OTOF: variants seen among roughly 807,000 people sequenced by gnomAD.
OTOF encodes the protein fer-1-like family member 2.
In OTOF, 218 loss-of-function variants were observed where a neutral mutation model predicts 236.8. The ratio of observed to expected loss-of-function variants is 0.92; its 90% CI spans 0.82 to 1.03. The LOEUF (loss-of-function observed/expected upper bound fraction) is 1.03. Ranked by LOEUF, OTOF falls within the 50% of genes least tolerant of loss-of-function variation. The probability of loss-of-function intolerance (pLI) is 0.00; values close to 1 mark genes in which losing one functional copy is unlikely to be tolerated. For synonymous variants in OTOF, 1,041 were observed against 1,072.5 expected (o/e 0.97, Z 0.57); for missense variants, 2,590 against 2,694.4 (o/e 0.96, Z 0.86).
intron 2 of OTOF, among the ~76,000 whole-genome samples, chr2:26,532,446 G>A (rs966869170): frequency 6.6e-6 from 1 of 152,200 alleles, no homozygotes; most frequent in Non-Finnish European, 1.5e-5. Flanking sequence ...TCACGAGCCA[G>A]CAAGCCCCAT....
intron 6 of OTOF, 73 bp downstream of exon 6, chr2:26,503,699 G>C: frequency 7.3e-7 from 1 of 1,363,082 alleles, no homozygotes; most frequent in Non-Finnish European, 1.0e-6. Context: ...TTGGCAGCCG[G>C]GCAGGGGCTG....
At position 26,460,321 on chromosome 2, in the gene OTOF, C is replaced by T. The variant is rs753969309; in HGVS notation, c.5814-116G>A. 70 of 872,494 alleles carry T rather than the reference C, an allele frequency of 8.0e-5. No homozygotes were observed. The highest frequency in any genetic ancestry group is 1.2e-4 in the Non-Finnish European group (63 of 541,818). 54.0% of individuals were successfully genotyped at this position (872,494 alleles called of 1,614,324 possible). A position where few individuals can be genotyped will look rare whatever the true frequency, so the allele number is the denominator to read the frequency against. ...CCTGGGCTGTGTGTGCAGTTCTAGG[C>T]ACCCCTCTGGCCATCAAGGCTGGCC... On this transcript the variant is annotated intron_variant, in intron 45 of 46. Coordinates refer to ENST00000272371, the MANE Select transcript of OTOF (RefSeq NM_194248.3). This position sits in a 1 kb window ranked among gnomAD's most constrained non-coding sequence, Gnocchi z 5.3.
intron 3 of OTOF, among the ~76,000 whole-genome samples, chr2:26,520,360 C>T (rs1203836340): frequency 6.6e-6 from 1 of 152,146 alleles, no homozygotes; most frequent in Non-Finnish European, 1.5e-5. Flanking sequence ...TGAATTCTGA[C>T]TCAGACATGC....
In OTOF at chr2:26,489,258, A is replaced by G. The variant is rs1164256959; in HGVS notation, c.998T>C (p.Leu333Pro). 1.2e-6 allele frequency: 2 copies of G among 1,613,178 alleles called. No individual in the cohort carries two copies. The highest frequency in any genetic ancestry group is 2.2e-5 in the South Asian group (2 of 90,970). ...CACGTCCATTTTGAAGGAGCCCACC[A>G]GGGTGCCACTGCGCAGCAGGTTCTT... Reference protein sequence around the residue: ...HSKNLLRSGTLVGSFKMDVGT... With the variant: ...HSKNLLRSGTPVGSFKMDVGT... Residue 333 changes from leucine to proline, a missense_variant, in exon 11 of 47, where the codon CTG (leucine) becomes CCG (proline). By Grantham distance (98) the Leu-to-Pro change is moderately conservative. Coordinates refer to ENST00000272371, the MANE Select transcript of OTOF (RefSeq NM_194248.3).
intron 46 of OTOF, among the ~76,000 whole-genome samples, chr2:26,458,996 C>T (rs995948970): frequency 3.3e-5 from 5 of 152,204 alleles, no homozygotes; most frequent in African/African-American, 9.6e-5. Context: ...GGGTTACAAG[C>T]AGTACCTACC....
chr2:26,522,649 A>G (rs1025592652), intron 3 of OTOF, among the ~76,000 whole-genome samples: 3 of 152,222 alleles, frequency 2.0e-5, no homozygotes, highest in Admixed American at 2.0e-4. Context: ...CTCCTTAGAC[A>G]GCTGAGTCAT....
chr2:26,484,383 G>T, intron 12 of OTOF, 91 bp downstream of exon 12: 1 of 1,349,276 alleles, frequency 7.4e-7, no homozygotes, highest in Middle Eastern at 2.2e-4. Context: ...GGAGACGGGT[G>T]GCAGGTGCTC....
chr2:26,502,148 C>T (rs1666128361), intron 7 of OTOF, 152 bp downstream of exon 7: 2 of 827,686 alleles, frequency 2.4e-6, no homozygotes, highest in African/African-American at 1.7e-5. Context: ...GTGAGAAAAA[C>T]ACCCAAGGAA....
At position 26,465,015 on chromosome 2, in the gene OTOF, A is replaced by G. The variant is rs772588073; in HGVS notation, c.4814T>C (p.Ile1605Thr). The G allele has an allele frequency of 3.4e-6, 5 of 1,482,730 alleles. No homozygotes were observed. The highest frequency in any genetic ancestry group is 4.5e-6 in the Non-Finnish European group (5 of 1,109,490). 91.8% of individuals were successfully genotyped at this position (1,482,730 alleles called of 1,614,324 possible). A position where few individuals can be genotyped will look rare whatever the true frequency, so the allele number is the denominator to read the frequency against. ...AQTYSTHGYNIWRDPMKPSQI... is the reference protein window; with the variant it reads ...AQTYSTHGYNTWRDPMKPSQI... ...GCTGGGCTTCATGGGGTCCCGCCAGATATTGTAGCCATGTCTGTGGGAGGG... is the reference window on the plus strand; with the variant it reads ...GCTGGGCTTCATGGGGTCCCGCCAGGTATTGTAGCCATGTCTGTGGGAGGG... Residue 1605 changes from isoleucine (I) to threonine (T), a missense_variant, in exon 39 of 47, where the codon ATC becomes ACC. Physicochemically the swap from Ile to Thr is moderately conservative, Grantham distance 89 (BLOSUM62 -1). Transcript: ENST00000272371.
intron 8 of OTOF, 52 bp from the exon 9 acceptor site, chr2:26,495,125 C>T: frequency 6.2e-7 from 1 of 1,609,808 alleles, no homozygotes; most frequent in Non-Finnish European, 8.5e-7. Context: ...AGCCTAGGAG[C>T]CTGGTCCCGC....
chr2:26,558,030 C>T lies in OTOF; in HGVS notation c.79+463G>A, dbSNP rs115949393. 5.3e-3 allele frequency among the ~76,000 whole-genome samples: 804 copies of T among 152,134 alleles called. 6 individuals are homozygous for T. Among genetic ancestry groups the T allele is most frequent in the African/African-American group, 0.018 (744 of 41,512 alleles). On this transcript the variant is annotated intron_variant, in intron 1 of 46. Transcript: ENST00000272371. ...TCTAAAAGAAGCCAACAGTGTCCCC[C>T]ATCACTCTGGGGCCCAGGGAGCTAC...
At chr2:26,483,411 T>A (rs778928085) in intron 13 of OTOF, 51 bp downstream of exon 13, 1 of 1,558,902 alleles carries the variant, frequency 6.4e-7, no homozygotes, top group African/African-American at 1.4e-5. Flanking sequence ...CAGCCTGCCC[T>A]TGTGATACCT....
intron 3 of OTOF, among the ~76,000 whole-genome samples, chr2:26,524,047 G>C (rs1666742982): frequency 6.6e-6 from 1 of 152,244 alleles, no homozygotes; most frequent in African/African-American, 2.4e-5. Context: ...CAGTGCCCTG[G>C]GCATTCTCTA....
rs140572176 is a variant in OTOF at position 26,474,614 on chromosome 2, C to T, written c.3187G>A (p.Ala1063Thr). 2 of 1,613,122 alleles carry T rather than the reference C, an allele frequency of 1.2e-6. No homozygotes were observed. Among genetic ancestry groups the T allele is most frequent in the African/African-American group, 1.3e-5 (1 of 74,928 alleles). Residue 1063 changes from alanine (A) to threonine (T), a missense_variant, in exon 26 of 47, where the codon GCG (alanine) becomes ACG (threonine). By Grantham distance (58) the Ala-to-Thr change is moderately conservative. Coordinates refer to ENST00000272371, the MANE Select transcript of OTOF (RefSeq NM_194248.3). ...GGTGGGAAGCGGGGTGGGCAGTACGCCTCGTCTGCCATCTTCACCAGGGGT... is the reference window on the plus strand; with the variant it reads ...GGTGGGAAGCGGGGTGGGCAGTACGTCTCGTCTGCCATCTTCACCAGGGGT... ...AKPLVKMADE[A>T]YCPPRFPPQL...
At chr2:26,468,358 C>G in intron 33 of OTOF, 50 bp downstream of exon 33, 2 of 1,442,662 alleles carry the variant, frequency 1.4e-6, no homozygotes, top group South Asian at 2.3e-5. Flanking sequence ...GGAGAGCTGA[C>G]CACCCAGGGG....
rs751160022 is a variant in OTOF, at chr2:26,466,716, G to C, written c.4498C>G (p.Arg1500Gly). The C allele has an allele frequency of 6.2e-7, 1 of 1,614,150 alleles. No individual in the cohort carries two copies. The highest frequency in any genetic ancestry group is 8.5e-7 in the Non-Finnish European group (1 of 1,180,010). Residue 1500 changes from arginine to glycine, a missense_variant and splice_region_variant, in exon 36 of 47, where the codon CGG (arginine) becomes GGG (glycine). Arg to Gly is a moderately radical substitution (Grantham distance 125, BLOSUM62 -2). This residue lies in a region of OTOF where 1,211 missense variants were observed against 1,352.8 expected (regional missense o/e 0.90). Coordinates refer to ENST00000272371, the MANE Select transcript of OTOF (RefSeq NM_194248.3). ...INVLVRVYVV[R>G]ATDLHPADIN... Reference sequence around the variant, plus strand: ...AGGGAAAGCGACGGGAGTCTCACCCGGACCACATAGACTCGGACCAGCACA... The same window carrying C: ...AGGGAAAGCGACGGGAGTCTCACCCCGACCACATAGACTCGGACCAGCACA...
At position 26,474,036 on chromosome 2, in the gene OTOF, G is replaced by C; in HGVS notation, c.3363C>G (p.Pro1121=). The C allele has an allele frequency of 6.2e-7, 1 of 1,612,980 alleles. No homozygotes were observed. The highest frequency in any genetic ancestry group is 8.5e-7 in the Non-Finnish European group (1 of 1,179,880). ...GCACGGGCCGGATGCCCATGGGCAC[G>C]GGCATGATGGGACCTCGGTCCACGT... ...PVDVDRGPIM[P]VPMGIRPVLS... Residue 1121 remains proline, a synonymous_variant, in exon 27 of 47, where the codon CCC becomes CCG. Coordinates refer to ENST00000272371, the MANE Select transcript of OTOF (RefSeq NM_194248.3).
chr2:26,467,561 C>A (rs540935785), intron 33 of OTOF, 60 bp from the exon 34 acceptor site: 9 of 1,569,980 alleles, frequency 5.7e-6, no homozygotes, highest in East Asian at 4.6e-5. Context: ...GGCCTGGATT[C>A]GAGACCCAGC....
Position 26,463,534 on chromosome 2 carries a change from TC to T in OTOF, c.5140del (p.Asp1714ThrfsTer49). ...LELWVDMFPMDMPAPGTPLDI... is the reference protein window; with the variant it reads ...LELWVDMFPMXMPAPGTPLDI... ...CAGAGGCGTCCCAGGGGCTGGCATGTCCATGGGGAACATGTCCACCCACAGC... is the reference window on the plus strand; with the variant it reads ...CAGAGGCGTCCCAGGGGCTGGCATGTCATGGGGAACATGTCCACCCACAGC... On this transcript the variant is annotated frameshift_variant, in exon 41 of 47. Coordinates refer to ENST00000272371, the MANE Select transcript of OTOF (RefSeq NM_194248.3). LOFTEE classifies it high-confidence loss of function. 1 of 1,609,216 alleles carries T rather than the reference TC, an allele frequency of 6.2e-7. No homozygotes were observed.
Sources: allele counts gnomAD v4.1 joint callset (sites outside exome capture counted in the v4.1 genomes callset), GRCh38; gene constraint gnomAD v4.1.1; regional missense constraint gnomAD v4.1.1; non-coding constraint Gnocchi (gnomAD v3.1); transcripts MANE v1.5; gene names NCBI Gene and HGNC (gene_info 2026-07-23, HGNC 2026-07-21).